APBB2: variants seen among roughly 807,000 people sequenced by gnomAD.
The protein encoded by APBB2 is amyloid beta precursor protein binding family B member 2.
A neutral mutation model predicts 82.5 loss-of-function variants in APBB2; 38 were observed. The ratio of observed to expected loss-of-function variants is 0.46; its 90% CI spans 0.36 to 0.60. The LOEUF (loss-of-function observed/expected upper bound fraction) is 0.60. Among genes scored for constraint, APBB2 ranks in the 20% least tolerant of loss-of-function variants. The pLI is 0.00. For synonymous variants in APBB2, 341 were observed against 368.2 expected (o/e 0.93, Z 0.85); for missense variants, 772 against 972.3 (o/e 0.79, Z 2.74).
At chr4:40,869,697 C>T (rs551032834) in intron 12 of APBB2, among the ~76,000 whole-genome samples, 248 of 141,806 alleles carry the variant, frequency 1.7e-3, no homozygotes, top group Middle Eastern at 3.6e-3. Context: ...AAGGAATATA[C>T]GTGAAATGAA....
chr4:40,943,033 T>C (rs1787456072), intron 7 of APBB2, among the ~76,000 whole-genome samples: 1 of 152,122 alleles, frequency 6.6e-6, no homozygotes, highest in Non-Finnish European at 1.5e-5. Flanking sequence ...GGACTGGAGA[T>C]TCATGGCACA....
chr4:40,945,259 T>C (rs59076084), intron 6 of APBB2, among the ~76,000 whole-genome samples, 186 bp from the exon 7 acceptor site: 33,109 of 152,034 alleles, frequency 0.22, 4,262 homozygotes, highest in Admixed American at 0.29. Flanking sequence ...ACAGGTAATA[T>C]GGAAACAAGT....
intron 12 of APBB2, among the ~76,000 whole-genome samples, chr4:40,843,409 C>G (rs1199808869): frequency 3.3e-5 from 5 of 149,502 alleles, no homozygotes; most frequent in Admixed American, 2.0e-4. Context: ...CCATGGCACA[C>G]TAGTAAGTGG....
chr4:40,990,353 T>G (rs1801679078), intron 6 of APBB2: 1 of 152,136 alleles, frequency 6.6e-6, no homozygotes. Context: ...CAGCTGTTGT[T>G]GGACATCAGA....
intron 3 of APBB2, among the ~76,000 whole-genome samples, chr4:41,086,569 C>T (rs1221983303): frequency 1.3e-5 from 2 of 152,140 alleles, no homozygotes; most frequent in African/African-American, 2.4e-5. Flanking sequence ...AAAAACACAT[C>T]ATCATCTCAT....
rs139142784 is a variant in APBB2, at chr4:41,097,781, G to T, written c.-149+2858C>A. 6.0e-3 allele frequency among the ~76,000 whole-genome samples: 917 copies of T among 152,074 alleles called. 13 individuals carry two copies. The highest frequency in any genetic ancestry group is 0.021 in the African/African-American group (855 of 41,482). ...ATTTTCTGAATTGCTTGAAATGCTT[G>T]AAACAAGGAAGACTTTGAAGACACA... On this transcript the variant is annotated intron_variant, in intron 3 of 17. Coordinates refer to ENST00000508593, the MANE Select transcript of APBB2 (RefSeq NM_004307.2).
rs1716212027 is a variant in APBB2, at chr4:41,030,253, C to T, written c.19+2983G>A. ...GCATTCCAGATGGGGGAAAGCTTGC[C>T]ATTCCCAACATAACACCTGGCAGAT... On this transcript the variant is annotated intron_variant, in intron 5 of 17. Transcript: ENST00000508593. Among the ~76,000 whole-genome samples the T allele has an allele frequency of 2.0e-5, 3 of 152,142 alleles. No homozygotes were observed. The South Asian group carries it at 6.2e-4, about 32-fold the overall frequency.
intron 3 of APBB2, among the ~76,000 whole-genome samples, chr4:41,078,790 T>C (rs1736531840): frequency 6.6e-6 from 1 of 152,198 alleles, no homozygotes; most frequent in Admixed American, 6.5e-5. Context: ...TTTATCCTTA[T>C]GTCGGGAGAA....
At chr4:40,924,214 A>T (rs1174016404) in intron 10 of APBB2, among the ~76,000 whole-genome samples, 1 of 152,194 alleles carries the variant, frequency 6.6e-6, no homozygotes, top group East Asian at 1.9e-4. Context: ...GCTGAATCTC[A>T]TTCAGCCAGG....
At position 41,183,553 on chromosome 4, in the gene APBB2, A is replaced by T. The variant is rs1010943782; in HGVS notation, c.-417+30852T>A. On this transcript the variant is annotated intron_variant, in intron 1 of 17. Transcript: ENST00000508593. Reference sequence around the variant, plus strand: ...AAAATTTGGACACAGAGACACATACATAGGGAGAACACCATGTGAAGATGA... The same window carrying T: ...AAAATTTGGACACAGAGACACATACTTAGGGAGAACACCATGTGAAGATGA... Among the ~76,000 whole-genome samples the T allele has an allele frequency of 3.9e-5, 6 of 152,172 alleles. 1 individual carries two copies. The East Asian group carries it at 7.7e-4, about 20-fold the overall frequency.
intron 10 of APBB2, among the ~76,000 whole-genome samples, chr4:40,903,310 T>C (rs201818568): frequency 1.4e-5 from 2 of 147,264 alleles, no homozygotes; most frequent in Admixed American, 1.4e-4. Flanking sequence ...AAAAAAAAAA[T>C]ACAAAAATCA....
rs146786132 is a variant in APBB2, at chr4:41,128,081, G to GAA, written c.-261+14904_-261+14905dup. Among the ~76,000 whole-genome samples the GAA allele has an allele frequency of 6.5e-3, 974 of 149,652 alleles. 9 individuals carry two copies. The highest frequency in any genetic ancestry group is 0.02 in the African/African-American group (819 of 40,636). ...GGTAACAGAGCGAGACTCCATCTCAGAAAAAAAAAGAAAAAAAGAGCAAAA... is the reference window on the plus strand; with the variant it reads ...GGTAACAGAGCGAGACTCCATCTCAGAAAAAAAAAAAGAAAAAAAGAGCAAAA... On this transcript the variant is annotated intron_variant, in intron 2 of 17. Coordinates refer to ENST00000508593, the MANE Select transcript of APBB2 (RefSeq NM_004307.2).
intron 5 of APBB2, among the ~76,000 whole-genome samples, chr4:41,019,308 G>A (rs1810842635): frequency 6.6e-6 from 1 of 152,210 alleles, no homozygotes; most frequent in Non-Finnish European, 1.5e-5. Context: ...CAGTAAGGTA[G>A]AATCCACGTG....
At chr4:40,925,693 C>T (rs934280673) in intron 10 of APBB2, among the ~76,000 whole-genome samples, 1 of 151,022 alleles carries the variant, frequency 6.6e-6, no homozygotes, top group Admixed American at 6.6e-5. Context: ...CATATAAATG[C>T]TAAGTAATGA....
intron 7 of APBB2, among the ~76,000 whole-genome samples, chr4:40,936,866 G>C (rs915499308): frequency 6.6e-6 from 1 of 152,140 alleles, no homozygotes; most frequent in African/African-American, 2.4e-5. Context: ...TGTTAGCTCG[G>C]AGGAGCTATG....
At chr4:40,896,841 G>A (rs1000411881) in intron 10 of APBB2, among the ~76,000 whole-genome samples, 3 of 152,154 alleles carry the variant, frequency 2.0e-5, no homozygotes, top group Non-Finnish European at 4.4e-5. Flanking sequence ...ATGGAAACTG[G>A]GGCTTGGACA....
Position 40,827,178 on chromosome 4 carries a change from G to T in APBB2, c.1686C>A (p.Ser562Arg). 6.2e-7 allele frequency: 1 copy of T among 1,614,236 alleles called. No homozygotes were observed. Among genetic ancestry groups the T allele is most frequent in the Non-Finnish European group, 8.5e-7 (1 of 1,180,042 alleles). ...TCACATTGGCCCTTTCCTGTAAGGA[G>T]CTGCAGGCCAGCGCTTTGGCATTCT... ...ERKNAKALAC[S>R]SLQERANVNL... Residue 562 changes from serine (S) to arginine (R), a missense_variant, in exon 14 of 18, where the codon AGC becomes AGA. By Grantham distance (110) the Ser-to-Arg change is moderately radical. Transcript: ENST00000508593.
At chr4:40,863,959 C>A (rs1400141431) in intron 12 of APBB2, among the ~76,000 whole-genome samples, 2 of 140,436 alleles carry the variant, frequency 1.4e-5, no homozygotes, top group African/African-American at 2.6e-5. Flanking sequence ...TTCCCAACTT[C>A]TTTTAAAGCA....
At chr4:40,936,620 A>T (rs1377172369) in intron 7 of APBB2, among the ~76,000 whole-genome samples, 1 of 152,194 alleles carries the variant, frequency 6.6e-6, no homozygotes, top group Non-Finnish European at 1.5e-5. Context: ...ATTTAGACCC[A>T]TTATTACTAT....
Sources: gnomAD v4.1 joint callset for allele counts (sites outside exome capture counted in the v4.1 genomes callset) on GRCh38, gnomAD v4.1.1 for gene constraint, MANE v1.5 for transcripts, NCBI Gene and HGNC (gene_info 2026-07-23, HGNC 2026-07-21) for gene names.